VWA3A: variants seen among roughly 807,000 people sequenced by gnomAD.
VWA3A encodes von Willebrand factor A domain-containing protein 3A.
In VWA3A, 134 loss-of-function variants were observed where a neutral mutation model predicts 160.4. That is an observed-to-expected ratio of 0.84 (90% CI 0.73 to 0.96). The LOEUF is 0.96. VWA3A is among the 40% of genes least tolerant of loss of function. VWA3A has a pLI of 0.00. For synonymous variants in VWA3A, 476 were observed against 543.4 expected, an observed-to-expected ratio of 0.88 and a Z score of 1.72; for missense variants, 1,310 against 1,447.9, an observed-to-expected ratio of 0.90 and a Z score of 1.55.
At chr16:22,102,004 G>T (rs1316352986) in intron 5 of VWA3A, among the ~76,000 whole-genome samples, 2 of 152,126 alleles carry the variant, frequency 1.3e-5, no homozygotes, top group Admixed American at 6.5e-5. Flanking sequence ...CCTGTCCAAG[G>T]TCACACAGCT....
chr16:22,109,012 G>C (rs1443138325), intron 6 of VWA3A, among the ~76,000 whole-genome samples: 1 of 152,142 alleles, frequency 6.6e-6, no homozygotes, highest in Non-Finnish European at 1.5e-5. Context: ...ATCTCAAAAA[G>C]AAGAAACAAG....
rs200544127 is a variant in VWA3A, at chr16:22,146,355, C to A, written c.2839+11C>A. 1.7e-5 allele frequency: 28 copies of A among 1,609,736 alleles called. No individual in the cohort carries two copies. Among genetic ancestry groups the A allele is most frequent in the Admixed American group, 3.3e-5 (2 of 59,732 alleles). On this transcript the variant is annotated intron_variant, in intron 27 of 33. Coordinates refer to ENST00000389398, the MANE Select transcript of VWA3A (RefSeq NM_173615.5). ...AGTGGCTGCTGTCCGGTGAGCCTGC[C>A]CACTGCCCTGAAGGGTGGAGGAGCA...
At chr16:22,101,931 T>C (rs2045413598) in intron 5 of VWA3A, among the ~76,000 whole-genome samples, 1 of 152,234 alleles carries the variant, frequency 6.6e-6, no homozygotes, top group African/African-American at 2.4e-5. Flanking sequence ...TTGACTTGGA[T>C]AGAATCCTGT....
intron 21 of VWA3A, among the ~76,000 whole-genome samples, chr16:22,137,071 C>CTAAATAAATAAA (rs59108718): frequency 2.2e-4 from 33 of 149,758 alleles, no homozygotes; most frequent in East Asian, 1.8e-3. Flanking sequence ...GACTCTGTCT[C>CTAAATAAATAAA]TAAATAAATA....
chr16:22,118,640 T>A (rs1038326137), intron 11 of VWA3A, among the ~76,000 whole-genome samples: 3 of 152,164 alleles, frequency 2.0e-5, no homozygotes, highest in Admixed American at 6.5e-5. Context: ...GAGCCGATAT[T>A]GTGCCACTGC....
In VWA3A at chr16:22,118,411, T is replaced by C. The variant is rs548794303; in HGVS notation, c.991-491T>C. ...TTAAAACACAGCAGGTCAGGATGGG[T>C]GCAGTGGCTCACACCTGTAATCCCA... is the stretch of plus-strand genomic sequence containing the variant. On this transcript the variant is annotated intron_variant, in intron 11 of 33. Coordinates refer to ENST00000389398, the MANE Select transcript of VWA3A (RefSeq NM_173615.5). 5.7e-4 allele frequency among the ~76,000 whole-genome samples: 86 copies of C among 152,104 alleles called. No individual in the cohort carries two copies. In the South Asian group the frequency reaches 0.013, roughly 23 times the overall value.
chr16:22,099,177 T>C (rs1434193533), intron 3 of VWA3A, among the ~76,000 whole-genome samples: 2 of 152,096 alleles, frequency 1.3e-5, no homozygotes, highest in Admixed American at 6.6e-5. Context: ...GAGTGACATC[T>C]AGTGTCCATG....
chr16:22,111,096 A>T (rs1196119182), intron 8 of VWA3A, 102 bp downstream of exon 8: 14 of 1,003,672 alleles, frequency 1.4e-5, no homozygotes, highest in East Asian at 5.5e-5. Context: ...CCAGGACCCT[A>T]CTAGATAAGT....
intron 24 of VWA3A, 23 bp downstream of exon 24, chr16:22,141,715 GT>G: frequency 6.3e-7 from 1 of 1,578,530 alleles, no homozygotes; most frequent in Non-Finnish European, 8.6e-7. Context: ...CTATACAGGT[GT>G]CTGGACAGCC....
chr16:22,153,738 A>ATTTTTTT (rs66519465), intron 31 of VWA3A, among the ~76,000 whole-genome samples: 1 of 132,562 alleles, frequency 7.5e-6, no homozygotes, highest in Non-Finnish European at 1.6e-5. Context: ...ACATGGCATA[A>ATTTTTTT]TTTTTTTTTT....
intron 31 of VWA3A, among the ~76,000 whole-genome samples, chr16:22,153,532 A>G (rs759648150): frequency 2.6e-4 from 39 of 152,182 alleles, no homozygotes; most frequent in Non-Finnish European, 2.8e-4. Flanking sequence ...TAGGTTATCT[A>G]TTAAGTAATA....
chr16:22,103,490 T>C lies in VWA3A; in HGVS notation c.444T>C (p.Tyr148=). 6.4e-7 allele frequency: 1 copy of C among 1,551,856 alleles called. No homozygotes were observed. Among genetic ancestry groups the C allele is most frequent in the Non-Finnish European group, 8.7e-7 (1 of 1,147,000 alleles). ...GTCTTGACAGCACTATTGAAGTCTATCAAGAGAGAATTCAGTGGCTCACAG... is the reference window on the plus strand; with the variant it reads ...GTCTTGACAGCACTATTGAAGTCTACCAAGAGAGAATTCAGTGGCTCACAG... ...ESKLSDTIEV[Y]QERIQWLTEN... The change falls in exon 6 of 34, where the codon TAT becomes TAC. Residue 148 remains tyrosine (Y), a synonymous_variant. Transcript: ENST00000389398.
intron 27 of VWA3A, chr16:22,147,452 C>T (rs1598106865): frequency 1.9e-5 from 12 of 638,450 alleles, no homozygotes; most frequent in East Asian, 2.8e-5. Flanking sequence ...GGAGGGGATT[C>T]GGGCTATGGG....
rs546183181 is a variant in VWA3A at position 22,144,446 on chromosome 16, G to C, written c.2730+62G>C. The C allele has an allele frequency of 1.1e-5, 17 of 1,593,778 alleles. No homozygotes were observed. In the South Asian group the frequency reaches 1.8e-4, roughly 17 times the overall value. Reference sequence around the variant, plus strand: ...CCCCAACTCAGCTGCAAATGGCAGAGAGCAGTGTAGGGCACTGTGGCCTCT... The same window carrying C: ...CCCCAACTCAGCTGCAAATGGCAGACAGCAGTGTAGGGCACTGTGGCCTCT... On this transcript the variant is annotated intron_variant, in intron 26 of 33. Transcript: ENST00000389398.
intron 9 of VWA3A, chr16:22,116,273 A>C (rs970560597): frequency 4.8e-6 from 2 of 414,796 alleles, no homozygotes; most frequent in African/African-American, 4.5e-5. Context: ...AAAGAAAAAG[A>C]AAAGAAGAAG....
chr16:22,146,170 G>C, intron 26 of VWA3A, 66 bp from the exon 27 acceptor site: 1 of 1,274,556 alleles, frequency 7.8e-7, no homozygotes, highest in Non-Finnish European at 1.1e-6. Context: ...ACAATTTTAG[G>C]GGGTGATGGG....
chr16:22,114,360 A>G (rs958333880), intron 8 of VWA3A, among the ~76,000 whole-genome samples: 5 of 152,236 alleles, frequency 3.3e-5, no homozygotes, highest in African/African-American at 1.2e-4. Context: ...CCACACAGCC[A>G]TAAAGCTTTC....
At position 22,148,228 on chromosome 16, in the gene VWA3A, C is replaced by T. The variant is rs985722034; in HGVS notation, c.2906C>T (p.Ser969Phe). ...KVCILLDTSGSMGPYLQQVKT... is the reference protein window; with the variant it reads ...KVCILLDTSGFMGPYLQQVKT... ...TGCATATTGCTGGACACGTCAGGGTCCATGGGCCCCTACCTGCAGCAGGTG... is the reference window on the plus strand; with the variant it reads ...TGCATATTGCTGGACACGTCAGGGTTCATGGGCCCCTACCTGCAGCAGGTG... The change falls in exon 28 of 34, where the codon TCC (serine) becomes TTC (phenylalanine). Residue 969 changes from serine (S) to phenylalanine (F), a missense_variant. Coordinates refer to ENST00000389398, the MANE Select transcript of VWA3A (RefSeq NM_173615.5). The T allele has an allele frequency of 2.5e-6, 4 of 1,600,426 alleles. No homozygotes were observed. The highest frequency in any genetic ancestry group is 4.5e-5 in the East Asian group (2 of 44,496).
At position 22,144,267 on chromosome 16, in the gene VWA3A, C is replaced by A. The variant is rs1567222959; in HGVS notation, c.2613C>A (p.Leu871=). ...TAAAGTGGGTGGCAAAATATGGGCT[C>A]AAAAAATTGAAGCTGGAGATTTCCA... is the stretch of plus-strand genomic sequence containing the variant. ...SSQEWVAKYG[L]KKLKLEISRC... is the part of the protein sequence containing the mutation. The change falls in exon 26 of 34, where the codon CTC becomes CTA. Residue 871 remains leucine (L), a synonymous_variant. Transcript: ENST00000389398. The A allele has an allele frequency of 5.0e-6, 8 of 1,612,446 alleles. No individual in the cohort carries two copies. The South Asian group carries it at 8.8e-5, about 18-fold the overall frequency.
Sources: allele counts gnomAD v4.1 joint callset (sites outside exome capture counted in the v4.1 genomes callset), GRCh38; gene constraint gnomAD v4.1.1; transcripts MANE v1.5; gene names NCBI Gene and HGNC (gene_info 2026-07-23, HGNC 2026-07-21).